Variants in SLCO4C1 observed in about 807,000 individuals in gnomAD.
SLCO4C1 encodes the protein solute carrier organic anion transporter family member 4C1.
Under a neutral mutation model 72.1 loss-of-function variants are expected in SLCO4C1, and 58 were observed. The observed-to-expected ratio is 0.80, with a 90% CI of 0.65 to 1.00. SLCO4C1 has a LOEUF of 1.00. Among genes scored for constraint, SLCO4C1 ranks in the 50% least tolerant of loss-of-function variants. The pLI is 0.00. For synonymous variants in SLCO4C1, 297 were observed against 312.5 expected (o/e 0.95, Z 0.52); for missense variants, 898 against 857.9 (o/e 1.05, Z -0.58).
chr5:102,256,023 G>C lies in SLCO4C1; in HGVS notation c.1469+1092C>G, dbSNP rs1580247459. ...AAGTTTGAGACCAACCTGGCCAACA[G>C]GGCGAAACCCCACGTCTACTAAAAA... On this transcript the variant is annotated intron_variant, in intron 8 of 12. Transcript: ENST00000310954. 2.6e-5 allele frequency among the ~76,000 whole-genome samples: 4 copies of C among 151,918 alleles called. No homozygotes were observed. The South Asian group carries it at 8.3e-4, about 32-fold the overall frequency.
chr5:102,296,237 T>G lies in SLCO4C1; in HGVS notation c.26A>C (p.Asn9Thr). Residue 9 changes from asparagine (N) to threonine (T), a missense_variant, in exon 1 of 13, where the codon AAC becomes ACC. Physicochemically the swap from Asn to Thr is moderately conservative, Grantham distance 65 (BLOSUM62 0). Coordinates refer to ENST00000310954, the MANE Select transcript of SLCO4C1 (RefSeq NM_180991.5). MKSAKGIE[N>T]LAFVPSSPDI... Reference sequence around the variant, plus strand: ...TGGGCTGGAGGGGACAAAAGCCAAGTTCTCAATACCTTTGGCGCTCTTCAT... The same window carrying G: ...TGGGCTGGAGGGGACAAAAGCCAAGGTCTCAATACCTTTGGCGCTCTTCAT... 1 of 1,558,568 alleles carries G rather than the reference T, an allele frequency of 6.4e-7. No individual in the cohort carries two copies. Among genetic ancestry groups the G allele is most frequent in the Non-Finnish European group, 8.7e-7 (1 of 1,154,412 alleles).
intron 12 of SLCO4C1, among the ~76,000 whole-genome samples, chr5:102,238,481 T>C (rs1251125762): frequency 1.3e-5 from 2 of 152,114 alleles, no homozygotes; most frequent in Non-Finnish European, 2.9e-5. Context: ...ACTCTATCTC[T>C]ATCAACTCAG....
chr5:102,276,811 G>C (rs1441102210), intron 2 of SLCO4C1, among the ~76,000 whole-genome samples: 1 of 152,116 alleles, frequency 6.6e-6, no homozygotes, highest in Admixed American at 6.6e-5. Context: ...AAGGATTAGC[G>C]AACAGTTATT....
intron 12 of SLCO4C1, among the ~76,000 whole-genome samples, chr5:102,237,687 G>A (rs1250916331): frequency 6.6e-6 from 1 of 152,050 alleles, no homozygotes; most frequent in East Asian, 1.9e-4. Context: ...TCAATAATGA[G>A]GGAAAGTAGT....
At chr5:102,242,889 C>T (rs1227265770) in intron 10 of SLCO4C1, among the ~76,000 whole-genome samples, 1 of 152,124 alleles carries the variant, frequency 6.6e-6, no homozygotes, top group Non-Finnish European at 1.5e-5. Context: ...GGTAGAGCAC[C>T]AAGCAGGTTA....
chr5:102,240,808 C>T (rs754201365), intron 10 of SLCO4C1, 26 bp from the exon 11 acceptor site: 1 of 1,545,634 alleles, frequency 6.5e-7, no homozygotes, highest in Non-Finnish European at 8.9e-7. Context: ...ATATATGAGA[C>T]CAAAAAAGGT....
intron 10 of SLCO4C1, among the ~76,000 whole-genome samples, 161 bp from the exon 11 acceptor site, chr5:102,240,943 T>C (rs918981224): frequency 1.3e-5 from 2 of 152,072 alleles, no homozygotes; most frequent in African/African-American, 2.4e-5. Flanking sequence ...TTAATCTTCC[T>C]GGGATTATAA....
intron 1 of SLCO4C1, 24 bp from the exon 2 acceptor site, chr5:102,291,630 G>A (rs187211854): frequency 1.9e-6 from 3 of 1,562,428 alleles, no homozygotes; most frequent in East Asian, 4.5e-5. Context: ...AAGTTGATGT[G>A]CATCATTAAT....
chr5:102,282,641 C>T (rs1580265257), intron 2 of SLCO4C1, among the ~76,000 whole-genome samples: 1 of 151,952 alleles, frequency 6.6e-6, no homozygotes, highest in African/African-American at 2.4e-5. Context: ...AAGAAGTCAA[C>T]GTTCCTAGAT....
At chr5:102,255,516 A>G (rs1748817805) in intron 8 of SLCO4C1, among the ~76,000 whole-genome samples, 1 of 152,220 alleles carries the variant, frequency 6.6e-6, no homozygotes, top group East Asian at 1.9e-4. Context: ...ACCTTTCAAC[A>G]TTCCAAAATA....
chr5:102,250,321 T>G (rs1748714793), intron 8 of SLCO4C1, among the ~76,000 whole-genome samples: 1 of 152,162 alleles, frequency 6.6e-6, no homozygotes, highest in African/African-American at 2.4e-5. Flanking sequence ...AAATATAATT[T>G]TCCCAGTCCC....
At position 102,236,794 on chromosome 5, in the gene SLCO4C1, A is replaced by G; in HGVS notation, c.*64T>C. On this transcript the variant is annotated 3_prime_UTR_variant, in exon 13 of 13. Transcript: ENST00000310954. ...ATTGGATAGATAATCCTGCCATGGC[A>G]ATGTGTGTTCTTAAAAATCGAGGTA... The G allele has an allele frequency of 6.8e-7, 1 of 1,474,970 alleles. No individual in the cohort carries two copies. The allele number at this position is 1,474,970 out of a possible 1,614,324, so 91.4% of individuals were successfully genotyped here.
intron 3 of SLCO4C1, among the ~76,000 whole-genome samples, chr5:102,269,520 A>C (rs1749109722): frequency 6.6e-6 from 1 of 152,012 alleles, no homozygotes; most frequent in Non-Finnish European, 1.5e-5. Flanking sequence ...CATCAGTTGC[A>C]TGATTTCTAT....
At chr5:102,291,707 C>T (rs2600824) in intron 1 of SLCO4C1, 101 bp from the exon 2 acceptor site, 598,881 of 952,214 alleles carry the variant, frequency 0.63, 170,290 homozygotes, top group African/African-American at 0.84. Flanking sequence ...TCTTTTTTTT[C>T]TTAAAATGTA....
In SLCO4C1 at chr5:102,295,195, A is replaced by G. The variant is rs561597007; in HGVS notation, c.355+713T>C. On this transcript the variant is annotated intron_variant, in intron 1 of 12. Coordinates refer to ENST00000310954, the MANE Select transcript of SLCO4C1 (RefSeq NM_180991.5). The stretch of plus-strand genomic sequence containing the variant: ...TATCACTCCTCCAAACTGAGCTTAG[A>G]TTGCAAGCCCCTGAGGGTATAAATC... Among the ~76,000 whole-genome samples, 48 of 152,298 alleles carry G rather than the reference A, an allele frequency of 3.2e-4. No individual in the cohort carries two copies. In the South Asian group the frequency reaches 7.9e-3, roughly 25 times the overall value.
rs180915557 is a variant in SLCO4C1, at chr5:102,294,419, C to T, written c.355+1489G>A. Among the ~76,000 whole-genome samples, 27 of 152,188 alleles carry T rather than the reference C, an allele frequency of 1.8e-4. No individual in the cohort carries two copies. In the East Asian group the frequency reaches 5.2e-3, roughly 29 times the overall value. ...TGGGTAGATGCTGCTCCAGACTAAA[C>T]CTGACAAATTTTCTAGGAGTGACAA... On this transcript the variant is annotated intron_variant, in intron 1 of 12. Transcript: ENST00000310954.
intron 2 of SLCO4C1, among the ~76,000 whole-genome samples, chr5:102,272,695 C>G (rs1003231971): frequency 2.0e-5 from 3 of 152,086 alleles, no homozygotes; most frequent in African/African-American, 7.2e-5. Context: ...ATGGCTTACA[C>G]CTATAATTCC....
chr5:102,273,985 A>G (rs1175007086), intron 2 of SLCO4C1, among the ~76,000 whole-genome samples: 3 of 152,178 alleles, frequency 2.0e-5, no homozygotes, highest in Non-Finnish European at 4.4e-5. Flanking sequence ...TATTCAGGGA[A>G]GAAAAATAAC....
intron 8 of SLCO4C1, among the ~76,000 whole-genome samples, chr5:102,255,190 G>A (rs1045675552): frequency 3.3e-5 from 5 of 151,282 alleles, no homozygotes; most frequent in African/African-American, 7.3e-5. Flanking sequence ...ACATGTATGT[G>A]TATTAAACAC....
Sources: gnomAD v4.1 joint callset for allele counts (sites outside exome capture counted in the v4.1 genomes callset) on GRCh38, gnomAD v4.1.1 for gene constraint, MANE v1.5 for transcripts, NCBI Gene and HGNC (gene_info 2026-07-23, HGNC 2026-07-21) for gene names.